IL2RB: variants seen among roughly 807,000 people sequenced by gnomAD.
The protein encoded by IL2RB is interleukin 2 receptor subunit beta, also known as interleukin-2 receptor subunit beta.
In IL2RB, 17 loss-of-function variants were observed where a neutral mutation model predicts 44.2. The ratio of observed to expected loss-of-function variants is 0.38; its 90% CI spans 0.26 to 0.58. The LOEUF (loss-of-function observed/expected upper bound fraction) is 0.58. Ranked by LOEUF, IL2RB falls within the 20% of genes least tolerant of loss-of-function variation. The pLI, the probability that IL2RB is intolerant of heterozygous loss-of-function variation, is 0.63. For missense variants in IL2RB, 624 were observed against 685.5 expected (o/e 0.91, Z 1.00); for synonymous variants, 286 against 297.9 (o/e 0.96, Z 0.41).
intron 1 of IL2RB, among the ~76,000 whole-genome samples, chr22:37,165,025 G>A (rs970819087): frequency 6.6e-6 from 1 of 152,194 alleles, no homozygotes; most frequent in Non-Finnish European, 1.5e-5. Flanking sequence ...CAACTCGAGT[G>A]TGCACAGAAG....
chr22:37,142,532 T>C lies in IL2RB; in HGVS notation c.204-20A>G. On this transcript the variant is annotated intron_variant, in intron 3 of 9. Transcript: ENST00000216223. ...CACCGCCTTTCATGGCAAAAGACCC[T>C]CTTTAGAAGAACAGGAAGGACCCAC... 4 of 1,612,512 alleles carry C rather than the reference T, an allele frequency of 2.5e-6. No homozygotes were observed. The highest frequency in any genetic ancestry group is 1.3e-5 in the African/African-American group (1 of 74,964).
At chr22:37,160,316 A>C (rs1922814426) in intron 1 of IL2RB, among the ~76,000 whole-genome samples, 1 of 152,248 alleles carries the variant, frequency 6.6e-6, no homozygotes, top group African/African-American at 2.4e-5. Context: ...CTCTTTCTCC[A>C]GGCAGGCCCA....
rs1921983976 is a variant in IL2RB at position 37,141,884 on chromosome 22, G to T, written c.282+550C>A. Among the ~76,000 whole-genome samples the T allele has an allele frequency of 6.6e-6, 1 of 152,186 alleles. No individual in the cohort carries two copies. ...GTCCCTGGTGAGGTCCCACCTTCAG[G>T]CTGGGGAGGGCCTGAAAAACAAGGC... On this transcript the variant is annotated intron_variant, in intron 4 of 9. Transcript: ENST00000216223. The surrounding 1 kb of genome is among the most constrained non-coding windows in gnomAD (Gnocchi z 4.4).
chr22:37,144,315 G>C, intron 1 of IL2RB, 110 bp from the exon 2 acceptor site: 1 of 1,360,530 alleles, frequency 7.4e-7, no homozygotes, highest in Non-Finnish European at 9.8e-7. Flanking sequence ...TGCACTCCTC[G>C]GTGCCAGCTC....
chr22:37,147,735 A>C (rs1922290475), intron 1 of IL2RB, among the ~76,000 whole-genome samples: 1 of 152,222 alleles, frequency 6.6e-6, no homozygotes, highest in Non-Finnish European at 1.5e-5. Flanking sequence ...ACAGACTGGC[A>C]GGTGCTTATT....
chr22:37,146,022 C>T (rs1922207580), intron 1 of IL2RB, among the ~76,000 whole-genome samples: 1 of 152,166 alleles, frequency 6.6e-6, no homozygotes, highest in Non-Finnish European at 1.5e-5. Context: ...GCTCCTGGAC[C>T]CGGCAAAAAC....
At chr22:37,166,294 G>A (rs1923076930) in intron 1 of IL2RB, among the ~76,000 whole-genome samples, 1 of 152,008 alleles carries the variant, frequency 6.6e-6, no homozygotes, top group Non-Finnish European at 1.5e-5. Flanking sequence ...CCGAGAGGAA[G>A]CCCAAAACTG....
chr22:37,132,316 C>T (rs1036718334), intron 9 of IL2RB, 68 bp downstream of exon 9: 1 of 1,263,122 alleles, frequency 7.9e-7, no homozygotes, highest in Non-Finnish European at 1.1e-6. Flanking sequence ...AAATTAGCTA[C>T]TAACCTGCCA....
At chr22:37,167,696 C>A (rs1229878331) in intron 1 of IL2RB, among the ~76,000 whole-genome samples, 2 of 152,246 alleles carry the variant, frequency 1.3e-5, no homozygotes, top group Admixed American at 6.5e-5. Context: ...ATCACTGGAT[C>A]AGGTGCTCAT....
At chr22:37,161,667 C>T (rs1454429666) in intron 1 of IL2RB, 1 of 151,752 alleles carries the variant, frequency 6.6e-6, no homozygotes, top group East Asian at 1.9e-4. Flanking sequence ...GAGCATGTGA[C>T]CAGGCTCCCC....
chr22:37,148,933 T>A (rs1187366418), intron 1 of IL2RB, among the ~76,000 whole-genome samples: 4 of 152,044 alleles, frequency 2.6e-5, no homozygotes, highest in Non-Finnish European at 4.4e-5. Flanking sequence ...CTATGTCCCC[T>A]CGTCCTCTCT....
intron 4 of IL2RB, 47 bp downstream of exon 4, chr22:37,142,387 G>A (rs1338863817): frequency 6.4e-7 from 1 of 1,558,542 alleles, no homozygotes; most frequent in East Asian, 2.2e-5. Flanking sequence ...GCCCGGAGCT[G>A]GGAGACCACC....
Position 37,140,327 on chromosome 22 carries a change from T to C in IL2RB, c.283-1105A>G, listed in dbSNP as rs1047608306. On this transcript the variant is annotated intron_variant, in intron 4 of 9. Coordinates refer to ENST00000216223, the MANE Select transcript of IL2RB (RefSeq NM_000878.5). ...ATTATTATTATTATTATTATTATTA[T>C]TACTATTATTGTTATAAAAATATTG... Among the ~76,000 whole-genome samples, 13 of 137,104 alleles carry C rather than the reference T, an allele frequency of 9.5e-5. No homozygotes were observed. In the East Asian group the frequency reaches 1.7e-3, roughly 18 times the overall value. The allele number at this position is 137,104 out of a possible 152,430, so 89.9% of individuals were successfully genotyped here.
At chr22:37,142,665 C>T (rs923298971) in intron 3 of IL2RB, 153 bp from the exon 4 acceptor site, 1 of 741,148 alleles carries the variant, frequency 1.3e-6, no homozygotes, top group East Asian at 2.7e-5. Flanking sequence ...GGCACTGCCT[C>T]CCCCACTGGC....
intron 6 of IL2RB, 26 bp from the exon 7 acceptor site, chr22:37,136,419 G>A (rs201450754): frequency 3.9e-4 from 615 of 1,589,644 alleles, no homozygotes; most frequent in Non-Finnish European, 4.7e-4. Flanking sequence ...GACTGTCAGC[G>A]CCCACCTCAC....
intron 1 of IL2RB, among the ~76,000 whole-genome samples, chr22:37,146,434 A>G (rs1922227426): frequency 6.6e-6 from 1 of 152,094 alleles, no homozygotes; most frequent in Non-Finnish European, 1.5e-5. Context: ...GCCAAAGCAC[A>G]CACACACCGC....
chr22:37,167,178 T>A (rs1923111799), intron 1 of IL2RB, among the ~76,000 whole-genome samples: 3 of 152,060 alleles, frequency 2.0e-5, no homozygotes, highest in Non-Finnish European at 4.4e-5. Flanking sequence ...GGCCCCCACG[T>A]TTAGGGTTCC....
intron 1 of IL2RB, among the ~76,000 whole-genome samples, chr22:37,146,697 C>T (rs1033298033): frequency 6.6e-6 from 1 of 152,162 alleles, no homozygotes. Context: ...CGGCGTTGAC[C>T]AGGGGCTGGC....
chr22:37,132,522 G>T, intron 8 of IL2RB, 54 bp from the exon 9 acceptor site: 1 of 1,378,810 alleles, frequency 7.3e-7, no homozygotes. Context: ...GGACCGCGGT[G>T]TTATGCCATC....
Sources: gnomAD v4.1 joint callset for allele counts (sites outside exome capture counted in the v4.1 genomes callset) on GRCh38, gnomAD v4.1.1 for gene constraint, Gnocchi (gnomAD v3.1) non-coding constraint, MANE v1.5 for transcripts, NCBI Gene and HGNC (gene_info 2026-07-23, HGNC 2026-07-21) for gene names.